TNIK: variants seen among roughly 807,000 people sequenced by gnomAD.
TNIK encodes TRAF2 and NCK interacting kinase.
In TNIK, 49 loss-of-function variants were observed where a neutral mutation model predicts 191.3. The observed-to-expected ratio is 0.26, with a 90% CI of 0.20 to 0.32. The LOEUF is 0.32. Ranked by LOEUF, TNIK falls within the 10% of genes least tolerant of loss-of-function variation. The probability of loss-of-function intolerance (pLI) is 1.00; values close to 1 mark genes in which losing one functional copy is unlikely to be tolerated. For synonymous variants in TNIK, 594 were observed against 600.9 expected, an observed-to-expected ratio of 0.99 and a Z score of 0.17; for missense variants, 1,155 against 1,702.3, an observed-to-expected ratio of 0.68 and a Z score of 5.66.
At chr3:171,135,767 G>A (rs766982899) in intron 15 of TNIK, among the ~76,000 whole-genome samples, 1 of 152,164 alleles carries the variant, frequency 6.6e-6, no homozygotes, top group Non-Finnish European at 1.5e-5. Context: ...GATGACTCAG[G>A]CATGTTGTTT....
At position 171,066,289 on chromosome 3, in the gene TNIK, C is replaced by T; in HGVS notation, c.3897G>A (p.Glu1299=). 6.2e-7 allele frequency: 1 copy of T among 1,613,946 alleles called. No individual in the cohort carries two copies. Among genetic ancestry groups the T allele is most frequent in the Non-Finnish European group, 8.5e-7 (1 of 1,179,878 alleles). Residue 1299 remains glutamate (E), a synonymous_variant, in exon 32 of 33, where the codon GAG becomes GAA. Coordinates refer to ENST00000436636, the MANE Select transcript of TNIK (RefSeq NM_015028.4). ...IHSNQIMGWG[E]KAIEIRSVET... The stretch of plus-strand genomic sequence containing the variant: ...CCACTGACCGGATCTCAATAGCTTT[C>T]TCGCCCCAGCCCATTATCTGATTGG...
chr3:171,419,955 G>A (rs192420380), intron 1 of TNIK, among the ~76,000 whole-genome samples: 223 of 152,236 alleles, frequency 1.5e-3, no homozygotes, highest in African/African-American at 5.0e-3. Flanking sequence ...CTATAAGCTT[G>A]CTGTTCTATG....
chr3:171,404,071 A>G (rs927078956), intron 1 of TNIK, among the ~76,000 whole-genome samples: 5 of 152,238 alleles, frequency 3.3e-5, no homozygotes. Flanking sequence ...AAGTACAGCC[A>G]CTTGTTTTCT....
Position 171,211,190 on chromosome 3 carries a change from G to A in TNIK, c.232C>T (p.His78Tyr), listed in dbSNP as rs745398295. 2 of 1,612,532 alleles carry A rather than the reference G, an allele frequency of 1.2e-6. No homozygotes were observed. The highest frequency in any genetic ancestry group is 8.5e-7 in the Non-Finnish European group (1 of 1,179,276). ...TAGTATGTAGCAATATTCCGGTGAT[G>A]AGAATATTTCTTCAACATGTTAATT... The part of the protein sequence containing the change: ...QEINMLKKYS[H>Y]HRNIATYYGA... The change falls in exon 4 of 33, where the codon CAT (histidine) becomes TAT (tyrosine). Residue 78 changes from histidine to tyrosine, a missense_variant. Physicochemically the swap from His to Tyr is moderately conservative, Grantham distance 83. Around this residue, in one of 3 missense-constraint regions of TNIK, gnomAD observed 225 missense variants for 438.9 expected, o/e 0.51. Coordinates refer to ENST00000436636, the MANE Select transcript of TNIK (RefSeq NM_015028.4).
intron 2 of TNIK, among the ~76,000 whole-genome samples, chr3:171,292,775 CAAAAAAAA>C (rs59314303): frequency 2.4e-5 from 2 of 85,052 alleles, no homozygotes; most frequent in Admixed American, 1.5e-4. Flanking sequence ...GACTCCATCT[CAAAAAAAA>C]AAAAAAAAAA....
intron 1 of TNIK, among the ~76,000 whole-genome samples, chr3:171,449,569 T>TA (rs200157090): frequency 4.1e-4 from 62 of 151,890 alleles, no homozygotes; most frequent in African/African-American, 1.4e-3. Context: ...ATCTCCACTT[T>TA]AAAAAAAATC....
intron 2 of TNIK, among the ~76,000 whole-genome samples, chr3:171,319,188 T>TATAAA (rs145245226): frequency 6.6e-6 from 1 of 151,936 alleles, no homozygotes; most frequent in Non-Finnish European, 1.5e-5. Flanking sequence ...CAAAATAAAA[T>TATAAA]ATAAAATAAA....
At chr3:171,128,471 G>A (rs1288270624) in intron 16 of TNIK, among the ~76,000 whole-genome samples, 1 of 152,148 alleles carries the variant, frequency 6.6e-6, no homozygotes, top group Non-Finnish European at 1.5e-5. Context: ...GGTCCCCAGA[G>A]AGGCCAATTT....
At chr3:171,168,912 T>A (rs1393716219) in intron 9 of TNIK, among the ~76,000 whole-genome samples, 7 of 152,216 alleles carry the variant, frequency 4.6e-5, no homozygotes, top group Admixed American at 4.6e-4. Context: ...TATGGCCACC[T>A]TCAAGTCTGC....
At chr3:171,300,730 T>C (rs1752793149) in intron 2 of TNIK, among the ~76,000 whole-genome samples, 1 of 152,154 alleles carries the variant, frequency 6.6e-6, no homozygotes, top group South Asian at 2.1e-4. Flanking sequence ...CTTTTTATGA[T>C]TTTCTCAACC....
intron 6 of TNIK, 148 bp from the exon 7 acceptor site, chr3:171,188,980 T>A: frequency 1.0e-6 from 1 of 953,964 alleles, no homozygotes; most frequent in Non-Finnish European, 1.5e-6. Context: ...TCTGGGGCAC[T>A]AAGCACATCC....
chr3:171,071,120 A>ATCTATATGAAAATTGGTATTGG, intron 29 of TNIK, 103 bp downstream of exon 29: 1 of 730,682 alleles, frequency 1.4e-6, no homozygotes, highest in South Asian at 2.9e-5. Flanking sequence ...CAGGTTTATT[A>ATCTATATGAAAATTGGTATTGG]TCTATATGAA....
chr3:171,451,866 C>T lies in TNIK; in HGVS notation c.57+8141G>A, dbSNP rs578160626. Among the ~76,000 whole-genome samples, 12 of 152,316 alleles carry T rather than the reference C, an allele frequency of 7.9e-5. No individual in the cohort carries two copies. In the South Asian group the frequency reaches 2.5e-3, roughly 32 times the overall value. On this transcript the variant is annotated intron_variant, in intron 1 of 32. Coordinates refer to ENST00000436636, the MANE Select transcript of TNIK (RefSeq NM_015028.4). ...ATGCTGGATACCATGTGCATTTCTT[C>T]CCCTACAGTTAATCACATTTCACAG... is the stretch of plus-strand genomic sequence containing the variant.
intron 2 of TNIK, among the ~76,000 whole-genome samples, chr3:171,327,692 G>C (rs1240417161): frequency 6.6e-6 from 1 of 151,868 alleles, no homozygotes; most frequent in Non-Finnish European, 1.5e-5. Flanking sequence ...GAGTTTTGGT[G>C]GGCGGGGTGG....
intron 4 of TNIK, among the ~76,000 whole-genome samples, chr3:171,195,506 G>A (rs1415627245): frequency 6.6e-6 from 1 of 152,090 alleles, no homozygotes; most frequent in Non-Finnish European, 1.5e-5. Context: ...GAACTAAAAT[G>A]GAGCCACAAT....
At position 171,066,610 on chromosome 3, in the gene TNIK, C is replaced by T; in HGVS notation, c.3825G>A (p.Val1275=). 12 of 1,613,664 alleles carry T rather than the reference C, an allele frequency of 7.4e-6. No individual in the cohort carries two copies. Among genetic ancestry groups the T allele is most frequent in the Non-Finnish European group, 1.0e-5 (12 of 1,179,848 alleles). The change falls in exon 31 of 33, where the codon GTG becomes GTA. Residue 1275 remains valine, a synonymous_variant. Coordinates refer to ENST00000436636, the MANE Select transcript of TNIK (RefSeq NM_015028.4). ...TGGGCATTTCTCCCCATTGGAGCAC[C>T]ACATCCTTAGTTATCCGGCCATAGG... ...VNTYGRITKD[V]VLQWGEMPTS...
chr3:171,292,059 T>G (rs902685843), intron 2 of TNIK, among the ~76,000 whole-genome samples: 2 of 152,226 alleles, frequency 1.3e-5, no homozygotes, highest in African/African-American at 4.8e-5. Flanking sequence ...TTTTTAGATC[T>G]AAGATTTCCC....
chr3:171,235,979 C>A (rs1297546020), intron 2 of TNIK, among the ~76,000 whole-genome samples: 1 of 152,152 alleles, frequency 6.6e-6, no homozygotes, highest in African/African-American at 2.4e-5. Context: ...TTGGAACCCA[C>A]TTCTCTCTCC....
intron 2 of TNIK, among the ~76,000 whole-genome samples, chr3:171,270,139 A>T (rs1748901007): frequency 6.6e-6 from 1 of 152,188 alleles, no homozygotes. Flanking sequence ...TCCTTAGTTA[A>T]CCCCATCTTT....
Sources: allele counts gnomAD v4.1 joint callset (sites outside exome capture counted in the v4.1 genomes callset), GRCh38; gene constraint gnomAD v4.1.1; regional missense constraint gnomAD v4.1.1; transcripts MANE v1.5; gene names NCBI Gene and HGNC (gene_info 2026-07-23, HGNC 2026-07-21).